Variants in MSRB3 observed in about 807,000 individuals in gnomAD.
MSRB3 encodes the protein methionine sulfoxide reductase B3.
A neutral mutation model predicts 21.0 loss-of-function variants in MSRB3; 13 were observed. That is an observed-to-expected ratio of 0.62 (90% CI 0.40 to 0.98). The LOEUF (loss-of-function observed/expected upper bound fraction) is 0.98, where lower values mean the gene tolerates loss of function less well. MSRB3 is among the 50% of genes least tolerant of loss of function. MSRB3 has a pLI of 0.00. For synonymous variants in MSRB3, 87 were observed against 88.6 expected, an observed-to-expected ratio of 0.98 and a Z score of 0.10; for missense variants, 199 against 230.3, an observed-to-expected ratio of 0.86 and a Z score of 0.88.
chr12:65,386,631 G>A (rs1443432095), intron 5 of MSRB3, among the ~76,000 whole-genome samples: 1 of 151,884 alleles, frequency 6.6e-6, no homozygotes, highest in Admixed American at 6.6e-5. Flanking sequence ...ACCTGGTTTA[G>A]CGTGTTAAGA....
intron 5 of MSRB3, among the ~76,000 whole-genome samples, chr12:65,442,699 A>G (rs1882438211): frequency 6.6e-6 from 1 of 152,084 alleles, no homozygotes; most frequent in Non-Finnish European, 1.5e-5. Context: ...ATAATCATCT[A>G]AAGTTGAATG....
intron 4 of MSRB3, among the ~76,000 whole-genome samples, chr12:65,336,963 G>C (rs543414324): frequency 6.6e-6 from 1 of 152,212 alleles, no homozygotes; most frequent in Non-Finnish European, 1.5e-5. Flanking sequence ...TTTAGCAGAG[G>C]CTGGGCGCGG....
chr12:65,414,706 C>T (rs1205187904), intron 5 of MSRB3, among the ~76,000 whole-genome samples: 1 of 152,164 alleles, frequency 6.6e-6, no homozygotes, highest in Non-Finnish European at 1.5e-5. Flanking sequence ...GTAATTTAAA[C>T]ATGGAGCCAA....
At chr12:65,361,644 A>G (rs1341525811) in intron 4 of MSRB3, among the ~76,000 whole-genome samples, 5 of 152,190 alleles carry the variant, frequency 3.3e-5, no homozygotes, top group Admixed American at 3.3e-4. Context: ...TTCTTGGAAC[A>G]TGATTTATTC....
At chr12:65,398,562 G>T (rs1879943540) in intron 5 of MSRB3, among the ~76,000 whole-genome samples, 1 of 152,106 alleles carries the variant, frequency 6.6e-6, no homozygotes, top group Non-Finnish European at 1.5e-5. Context: ...TAGGTTGCCT[G>T]TTCACTCTGA....
intron 5 of MSRB3, among the ~76,000 whole-genome samples, chr12:65,422,473 G>A (rs1178580558): frequency 7.8e-6 from 1 of 127,946 alleles, no homozygotes; most frequent in African/African-American, 3.0e-5. Flanking sequence ...TTTTTATGTA[G>A]GCATACAATG....
Position 65,278,863 on chromosome 12 carries a change from C to T in MSRB3, c.-54C>T, listed in dbSNP as rs1871821397. On this transcript the variant is annotated splice_region_variant and 5_prime_UTR_variant, in exon 1 of 7. Transcript: ENST00000308259. ...GCCGCGGCTCTGGGAAGTGCGCAGT[C>T]CGGTAAGTTCGGGCTCCCCTCCCCT... 1.9e-6 allele frequency: 3 copies of T among 1,557,152 alleles called. No homozygotes were observed. The highest frequency in any genetic ancestry group is 2.4e-5 in the South Asian group (2 of 84,398).
intron 5 of MSRB3, among the ~76,000 whole-genome samples, chr12:65,451,149 A>G (rs1374033222): frequency 7.2e-5 from 11 of 152,138 alleles, no homozygotes; most frequent in Non-Finnish European, 1.6e-4. Context: ...GTCCATCTCC[A>G]CTAATCAGGA....
At chr12:65,329,338 C>A (rs562468629) in intron 4 of MSRB3, among the ~76,000 whole-genome samples, 54 of 152,172 alleles carry the variant, frequency 3.5e-4, no homozygotes, top group Non-Finnish European at 6.6e-4. Flanking sequence ...AATAAAAAGG[C>A]AGAAACCTTA....
chr12:65,291,155 G>A (rs994829693), intron 1 of MSRB3, among the ~76,000 whole-genome samples: 3 of 150,976 alleles, frequency 2.0e-5, no homozygotes, highest in Non-Finnish European at 2.9e-5. Flanking sequence ...GCACGATCTC[G>A]GCTCACTGCA....
At chr12:65,442,125 A>C (rs73322356) in intron 5 of MSRB3, among the ~76,000 whole-genome samples, 51 of 152,200 alleles carry the variant, frequency 3.4e-4, no homozygotes, top group African/African-American at 1.2e-3. Flanking sequence ...TTATGAAAAC[A>C]GGGAAATTCA....
chr12:65,344,256 C>T (rs1876337885), intron 4 of MSRB3: 1 of 151,828 alleles, frequency 6.6e-6, no homozygotes, highest in South Asian at 2.1e-4. Context: ...CTTTAAAATT[C>T]TGGGAAGGTT....
chr12:65,463,444 T>A lies in MSRB3; in HGVS notation c.*122T>A. 8.1e-7 allele frequency: 1 copy of A among 1,228,974 alleles called. No homozygotes were observed. Among genetic ancestry groups the A allele is most frequent in the Non-Finnish European group, 1.1e-6 (1 of 888,874 alleles). The allele number at this position is 1,228,974 out of a possible 1,614,324, so 76.1% of individuals were successfully genotyped here. On this transcript the variant is annotated 3_prime_UTR_variant, in exon 7 of 7. Transcript: ENST00000308259. ...TAAGGGCAGTTTTGTGCTATTGATA[T>A]TTTTTCTTCTTTTGCTTAAACAGAA...
chr12:65,323,029 T>G (rs1364876682), intron 2 of MSRB3, among the ~76,000 whole-genome samples: 2 of 152,204 alleles, frequency 1.3e-5, no homozygotes, highest in African/African-American at 4.8e-5. Flanking sequence ...AATAAAAGAT[T>G]GCTGCACACT....
chr12:65,374,982 C>T (rs1454249667), intron 5 of MSRB3, among the ~76,000 whole-genome samples: 5 of 150,528 alleles, frequency 3.3e-5, no homozygotes, highest in Admixed American at 6.6e-5. Context: ...CTCGAGTAGC[C>T]GGGACTACAG....
chr12:65,328,212 A>C (rs191240885), intron 3 of MSRB3, among the ~76,000 whole-genome samples: 95 of 152,064 alleles, frequency 6.2e-4, no homozygotes, highest in African/African-American at 2.2e-3. Context: ...GCAAAATCTT[A>C]TGTAATGTTC....
intron 4 of MSRB3, among the ~76,000 whole-genome samples, chr12:65,331,633 A>AG (rs1031896391): frequency 4.6e-5 from 7 of 152,218 alleles, no homozygotes; most frequent in Non-Finnish European, 1.5e-5. Flanking sequence ...GCGGAGCGCC[A>AG]GGGGAAGCTG....
intron 5 of MSRB3, among the ~76,000 whole-genome samples, chr12:65,373,663 G>C (rs749820573): frequency 6.6e-6 from 1 of 152,106 alleles, no homozygotes; most frequent in African/African-American, 2.4e-5. Context: ...TCATGAAAGC[G>C]AATTATGGAG....
chr12:65,342,142 T>C (rs1876185141), intron 4 of MSRB3, among the ~76,000 whole-genome samples: 1 of 151,542 alleles, frequency 6.6e-6, no homozygotes. Flanking sequence ...ATAAAAGACA[T>C]TGGATTGGAC....
Sources: allele counts gnomAD v4.1 joint callset (sites outside exome capture counted in the v4.1 genomes callset), GRCh38; gene constraint gnomAD v4.1.1; transcripts MANE v1.5; gene names NCBI Gene and HGNC (gene_info 2026-07-23, HGNC 2026-07-21).